ENOX2: variants seen among roughly 807,000 people sequenced by gnomAD.
ENOX2 encodes APK1 antigen.
A neutral mutation model predicts 45.0 loss-of-function variants in ENOX2; 36 were observed. That is an observed-to-expected ratio of 0.80 (90% CI 0.61 to 1.06). The LOEUF is 1.06. Among genes scored for constraint, ENOX2 ranks in the 50% least tolerant of loss-of-function variants. ENOX2 has a pLI of 0.00. For missense variants in ENOX2, 423 were observed against 462.5 expected (o/e 0.91, Z 0.78); for synonymous variants, 174 against 152.3 (o/e 1.14, Z -1.05).
intron 3 of ENOX2, among the ~76,000 whole-genome samples, chrX:130,760,226 TC>T (rs776551520): frequency 9.0e-6 from 1 of 111,566 alleles, no homozygotes; most frequent in Non-Finnish European, 1.9e-5. Context: ...TTTGTAGATT[TC>T]TTGGGATTTT....
intron 12 of ENOX2, among the ~76,000 whole-genome samples, chrX:130,633,834 G>A (rs918287604): frequency 8.0e-5 from 9 of 112,143 alleles, no homozygotes; most frequent in Admixed American, 1.9e-4. Context: ...AAGCCCCGAT[G>A]GCATGAGGAA....
At chrX:130,736,841 C>T (rs1000755323) in intron 3 of ENOX2, among the ~76,000 whole-genome samples, 1 of 111,515 alleles carries the variant, frequency 9.0e-6, no homozygotes, top group Non-Finnish European at 1.9e-5. Flanking sequence ...CTCATTTTTG[C>T]TACTTGAGAT....
intron 9 of ENOX2, among the ~76,000 whole-genome samples, chrX:130,660,241 C>A (rs1002235943): frequency 9.0e-6 from 1 of 111,406 alleles, no homozygotes. Context: ...CTATATCACA[C>A]GAATGAGATA....
At position 130,679,587 on chromosome X, in the gene ENOX2, G is replaced by A. The variant is rs2037245844; in HGVS notation, c.415C>T (p.Arg139Cys). 4.1e-6 allele frequency: 5 copies of A among 1,209,061 alleles called. No individual in the cohort carries two copies. Among genetic ancestry groups the A allele is most frequent in the African/African-American group, 3.5e-5 (2 of 57,060 alleles). Residue 139 changes from arginine (R) to cysteine (C), a missense_variant, in exon 6 of 15, where the codon CGC (arginine) becomes TGC (cysteine). Coordinates refer to ENST00000394363, the MANE Select transcript of ENOX2 (RefSeq NM_006375.4). ...RKSKKNFCHI[R>C]FAEEYMVDKA... The stretch of plus-strand genomic sequence containing the variant: ...TCCACCATGTACTCCTCAGCAAAGC[G>A]AATGTGGCAGAAGTTCTTCTTGCTC...
intron 2 of ENOX2, among the ~76,000 whole-genome samples, chrX:130,803,432 T>G: frequency 8.9e-6 from 1 of 111,925 alleles, no homozygotes; most frequent in East Asian, 2.8e-4. Context: ...AAGAGAGCCC[T>G]TAGTGATCCA....
At chrX:130,682,414 C>T (rs2037329900) in intron 5 of ENOX2, among the ~76,000 whole-genome samples, 1 of 107,207 alleles carries the variant, frequency 9.3e-6, no homozygotes, top group African/African-American at 3.4e-5. Flanking sequence ...GAAACCCCGT[C>T]TCTACTAAAA....
intron 6 of ENOX2, among the ~76,000 whole-genome samples, chrX:130,678,052 A>T (rs1192717282): frequency 9.3e-6 from 1 of 107,481 alleles, no homozygotes; most frequent in Non-Finnish European, 1.9e-5. Context: ...ACATCATTGC[A>T]CTCCAGCCTG....
chrX:130,787,152 C>A, intron 2 of ENOX2, among the ~76,000 whole-genome samples: 1 of 109,494 alleles, frequency 9.1e-6, no homozygotes, highest in Non-Finnish European at 1.9e-5. Flanking sequence ...CTCTGATGGC[C>A]AGTGATGATG....
chrX:130,832,438 C>CAT (rs1276151352), intron 2 of ENOX2, among the ~76,000 whole-genome samples: 1 of 85,275 alleles, frequency 1.2e-5, no homozygotes, highest in Non-Finnish European at 2.2e-5. Flanking sequence ...CACACACACA[C>CAT]ATACACACAC....
At chrX:130,811,725 G>A (rs1419761968) in intron 2 of ENOX2, among the ~76,000 whole-genome samples, 1 of 112,309 alleles carries the variant, frequency 8.9e-6, no homozygotes, top group Non-Finnish European at 1.9e-5. Context: ...AAGATATAAA[G>A]ATTTATAATA....
intron 2 of ENOX2, among the ~76,000 whole-genome samples, chrX:130,798,915 C>A (rs1176028416): frequency 8.9e-6 from 1 of 112,512 alleles, no homozygotes; most frequent in African/African-American, 3.2e-5. Flanking sequence ...TGTCACCTGT[C>A]ACCTCAGTAA....
rs971426365 is a variant in ENOX2 at position 130,632,712 on chromosome X, T to C, written c.1420-1136A>G. ...TTCAAAGCTTCCAGGATGCTGTCTCTGAATGAAATGAATGGTCTATGCTGC... is the reference window on the plus strand; with the variant it reads ...TTCAAAGCTTCCAGGATGCTGTCTCCGAATGAAATGAATGGTCTATGCTGC... On this transcript the variant is annotated intron_variant, in intron 12 of 14. Coordinates refer to ENST00000394363, the MANE Select transcript of ENOX2 (RefSeq NM_006375.4). Among the ~76,000 whole-genome samples, 4 of 111,969 alleles carry C rather than the reference T, an allele frequency of 3.6e-5. No individual in the cohort carries two copies. In the Admixed American group the frequency reaches 3.8e-4, roughly 11 times the overall value.
chrX:130,861,054 A>G (rs2078400031), intron 2 of ENOX2, among the ~76,000 whole-genome samples: 2 of 111,516 alleles, frequency 1.8e-5, no homozygotes, highest in African/African-American at 3.3e-5. Context: ...CAAAACCACA[A>G]TGAGGTATCA....
chrX:130,659,155 G>T (rs2036620543), intron 9 of ENOX2, among the ~76,000 whole-genome samples: 1 of 111,891 alleles, frequency 8.9e-6, no homozygotes. Flanking sequence ...TGTGAAAATT[G>T]CCTCCATTTA....
At chrX:130,875,572 A>G (rs1479201201) in intron 2 of ENOX2, among the ~76,000 whole-genome samples, 1 of 112,046 alleles carries the variant, frequency 8.9e-6, no homozygotes, top group Non-Finnish European at 1.9e-5. Flanking sequence ...TGGTTTTTCA[A>G]ACAAATGATG....
At chrX:130,881,863 T>C (rs2078817359) in intron 2 of ENOX2, among the ~76,000 whole-genome samples, 1 of 111,676 alleles carries the variant, frequency 9.0e-6, no homozygotes, top group Non-Finnish European at 1.9e-5. Context: ...CTTCAGAAAC[T>C]CATGCTTCGG....
chrX:130,774,347 A>G (rs1388979884), intron 3 of ENOX2, among the ~76,000 whole-genome samples: 1 of 111,871 alleles, frequency 8.9e-6, no homozygotes, highest in Non-Finnish European at 1.9e-5. Flanking sequence ...TTGATTCCAG[A>G]CACTGATTTT....
In ENOX2 at chrX:130,637,341, C is replaced by T. The variant is rs1184924841; in HGVS notation, c.1199G>A (p.Arg400Gln). The T allele has an allele frequency of 1.3e-5, 16 of 1,208,519 alleles. 1 individual carries two copies. Among genetic ancestry groups the T allele is most frequent in the African/African-American group, 7.0e-5 (4 of 57,102 alleles). The change falls in exon 11 of 15, where the codon CGG becomes CAG. Residue 400 changes from arginine to glutamine, a missense_variant. Arg to Gln is a conservative substitution (Grantham distance 43). Transcript: ENST00000394363. Reference sequence around the variant, plus strand: ...TTGCTTGAGCAGTTCTACTTCATTCCGGTAGGCATCGAGCTGCCAACGGAG... The same window carrying T: ...TTGCTTGAGCAGTTCTACTTCATTCTGGTAGGCATCGAGCTGCCAACGGAG... ...DSLRWQLDAY[R>Q]NEVELLKQEQ...
intron 6 of ENOX2, among the ~76,000 whole-genome samples, chrX:130,670,728 TAA>T (rs1238300056): frequency 1.0e-5 from 1 of 97,241 alleles, no homozygotes; most frequent in Non-Finnish European, 2.1e-5. Context: ...ATTTTTTTTC[TAA>T]AAAAAAAAAA....
Sources: gnomAD v4.1 joint callset for allele counts (sites outside exome capture counted in the v4.1 genomes callset) on GRCh38, gnomAD v4.1.1 for gene constraint, MANE v1.5 for transcripts, NCBI Gene and HGNC (gene_info 2026-07-23, HGNC 2026-07-21) for gene names.